EFCAB8: variants seen among roughly 807,000 people sequenced by gnomAD.
EFCAB8 encodes the protein EF-hand calcium binding domain 8.
Under a neutral mutation model 116.3 loss-of-function variants are expected in EFCAB8, and 100 were observed. The observed-to-expected ratio is 0.86, with a 90% CI of 0.73 to 1.02. The LOEUF (loss-of-function observed/expected upper bound fraction) is 1.02, where lower values mean the gene tolerates loss of function less well. Ranked by LOEUF, EFCAB8 falls within the 50% of genes least tolerant of loss-of-function variation. EFCAB8 has a pLI of 0.00. For synonymous variants in EFCAB8, 558 were observed against 567.9 expected, an observed-to-expected ratio of 0.98 and a Z score of 0.25; for missense variants, 1,320 against 1,416.9, an observed-to-expected ratio of 0.93 and a Z score of 1.10.
chr20:32,958,299 G>A (rs1037966631), intron 23 of EFCAB8, 122 bp from the exon 24 acceptor site: 1 of 402,062 alleles, frequency 2.5e-6, no homozygotes, highest in Non-Finnish European at 4.5e-6. Flanking sequence ...CAACATTTGA[G>A]TGAGTGTGGG....
At chr20:32,955,358 T>C (rs6058972) in intron 23 of EFCAB8, among the ~76,000 whole-genome samples, 103,983 of 151,934 alleles carry the variant, frequency 0.68, 36,380 homozygotes, top group African/African-American at 0.77. Flanking sequence ...TGGGCAACAA[T>C]GTGAGACCCT....
intron 20 of EFCAB8, among the ~76,000 whole-genome samples, chr20:32,925,779 C>T (rs6058959): frequency 0.41 from 61,865 of 152,114 alleles, 13,788 homozygotes; most frequent in African/African-American, 0.55. Flanking sequence ...TGCCATGGCT[C>T]CTTCTGAAGG....
chr20:32,877,368 C>T (rs1985033344), intron 4 of EFCAB8, among the ~76,000 whole-genome samples: 1 of 151,908 alleles, frequency 6.6e-6, no homozygotes, highest in South Asian at 2.1e-4. Flanking sequence ...ACCACCACAC[C>T]TGGCTAATTT....
chr20:32,906,921 A>G lies in EFCAB8; in HGVS notation c.1235A>G (p.His412Arg), dbSNP rs1369529324. 2.2e-5 allele frequency: 34 copies of G among 1,550,456 alleles called. No homozygotes were observed. In the Admixed American group the frequency reaches 6.1e-4, roughly 28 times the overall value. Residue 412 changes from histidine to arginine, a missense_variant, in exon 13 of 27, where the codon CAC becomes CGC. Coordinates refer to ENST00000400522, the MANE Select transcript of EFCAB8 (RefSeq NM_001143967.2). The part of the protein sequence containing the change: ...SKRPVWLMKG[H>R]QTSVTHILVD... ...AGGCCCGTGTGGCTGATGAAGGGAC[A>G]CCAGACCTCAGTGACGCACATCCTT...
intron 2 of EFCAB8, 101 bp downstream of exon 2, chr20:32,863,935 G>T (rs1984257943): frequency 7.4e-7 from 1 of 1,351,830 alleles, no homozygotes; most frequent in African/African-American, 1.5e-5. Flanking sequence ...CTGCATCGGG[G>T]AGGGGGTTGC....
At chr20:32,899,529 C>T (rs1266539797) in intron 11 of EFCAB8, among the ~76,000 whole-genome samples, 1 of 152,114 alleles carries the variant, frequency 6.6e-6, no homozygotes, top group Non-Finnish European at 1.5e-5. Flanking sequence ...CTTATTCAAT[C>T]GCCATTCCCT....
intron 4 of EFCAB8, among the ~76,000 whole-genome samples, chr20:32,877,144 T>C (rs1600372592): frequency 6.6e-6 from 1 of 151,650 alleles, no homozygotes; most frequent in East Asian, 1.9e-4. Context: ...ATAGCTCTCC[T>C]CAGCATAGGT....
intron 15 of EFCAB8, among the ~76,000 whole-genome samples, chr20:32,910,841 G>T (rs776763906): frequency 1.3e-5 from 2 of 148,782 alleles, no homozygotes; most frequent in Non-Finnish European, 3.0e-5. Context: ...GGGTTCAAGC[G>T]ATTCTCCTGC....
At chr20:32,860,817 C>T (rs1023214002) in intron 1 of EFCAB8, among the ~76,000 whole-genome samples, 4 of 152,200 alleles carry the variant, frequency 2.6e-5, no homozygotes, top group Admixed American at 6.5e-5. Flanking sequence ...CAGTTCACTA[C>T]GGCCTCAAAC....
intron 8 of EFCAB8, among the ~76,000 whole-genome samples, chr20:32,892,778 A>G (rs1048221225): frequency 2.0e-5 from 3 of 151,498 alleles, no homozygotes; most frequent in African/African-American, 7.3e-5. Context: ...CTTGCTTCCA[A>G]GGAGGAGGGA....
intron 5 of EFCAB8, among the ~76,000 whole-genome samples, chr20:32,880,563 A>G (rs1421587290): frequency 6.6e-6 from 1 of 152,160 alleles, no homozygotes; most frequent in Non-Finnish European, 1.5e-5. Flanking sequence ...GAGCCACTGT[A>G]CCCGGCAATA....
chr20:32,870,574 C>A (rs1984635370), intron 3 of EFCAB8, among the ~76,000 whole-genome samples: 1 of 152,136 alleles, frequency 6.6e-6, no homozygotes. Context: ...TCATAACTCA[C>A]TGCAGCCTTG....
At chr20:32,882,691 TTTG>T (rs546681766) in intron 5 of EFCAB8, among the ~76,000 whole-genome samples, 24 of 151,754 alleles carry the variant, frequency 1.6e-4, no homozygotes, top group African/African-American at 2.2e-4. Flanking sequence ...TGGCCGATTT[TTTG>T]TTGTTGTTGT....
chr20:32,863,982 A>ATT (rs372464707), intron 2 of EFCAB8, 148 bp downstream of exon 2: 297 of 700,782 alleles, frequency 4.2e-4, no homozygotes, highest in Non-Finnish European at 4.8e-4. Context: ...ACTTAAGTGT[A>ATT]TTTTTTTTTT....
chr20:32,896,140 C>T (rs1319998200), intron 9 of EFCAB8, among the ~76,000 whole-genome samples: 1 of 152,168 alleles, frequency 6.6e-6, no homozygotes, highest in East Asian at 1.9e-4. Flanking sequence ...GATGGAGCTC[C>T]CTAATGAAGA....
At position 32,875,895 on chromosome 20, in the gene EFCAB8, G is replaced by T. The variant is rs1429986057; in HGVS notation, c.209-31G>T. 18 of 1,541,834 alleles carry T rather than the reference G, an allele frequency of 1.2e-5. No homozygotes were observed. The Admixed American group carries it at 3.3e-4, about 29-fold the overall frequency. ...GATGGGCCGAGGGACTTGTGAGGAA[G>T]GGGATGATGCTCTCTGTTCTCTCTT... is the stretch of plus-strand genomic sequence containing the variant. On this transcript the variant is annotated intron_variant, in intron 3 of 26. Transcript: ENST00000400522.
Position 32,909,804 on chromosome 20 carries a change from C to G in EFCAB8, c.1447-17C>G, listed in dbSNP as rs1986834817. 22 of 1,223,716 alleles carry G rather than the reference C, an allele frequency of 1.8e-5. No homozygotes were observed. The South Asian group carries it at 8.0e-4, about 44-fold the overall frequency. The allele number at this position is 1,223,716 out of a possible 1,614,324, so 75.8% of individuals were successfully genotyped here. A position where few individuals can be genotyped will look rare whatever the true frequency, so the allele number is the denominator to read the frequency against. The stretch of plus-strand genomic sequence containing the variant: ...CCTTCTGACAGACAAGCTCTCTGCC[C>G]CTTTCCTCACCTACAGATCGGGATC... On this transcript the variant is annotated splice_polypyrimidine_tract_variant and intron_variant, in intron 14 of 26. Coordinates refer to ENST00000400522, the MANE Select transcript of EFCAB8 (RefSeq NM_001143967.2).
At chr20:32,907,211 C>A in intron 13 of EFCAB8, 1 of 712,022 alleles carries the variant, frequency 1.4e-6, no homozygotes, top group Non-Finnish European at 1.7e-6. Flanking sequence ...CTTTGTGACC[C>A]TGGCAAGTCC....
At chr20:32,922,524 A>G (rs182354578) in intron 20 of EFCAB8, among the ~76,000 whole-genome samples, 3 of 152,332 alleles carry the variant, frequency 2.0e-5, no homozygotes, top group Admixed American at 6.5e-5. Flanking sequence ...AAGATAGACA[A>G]TTAACCAGCA....
Sources: allele counts gnomAD v4.1 joint callset (sites outside exome capture counted in the v4.1 genomes callset), GRCh38; gene constraint gnomAD v4.1.1; transcripts MANE v1.5; gene names NCBI Gene and HGNC (gene_info 2026-07-23, HGNC 2026-07-21).